The following GPR160 variants were observed in gnomAD, a reference collection of about 807,000 sequenced individuals.
The protein encoded by GPR160 is probable G protein-coupled receptor 160.
GPR160 carries 2 observed loss-of-function variants against 2.6 expected under a neutral mutation model. The observed-to-expected ratio is 0.77, with a 90% CI of 0.32 to 2.44. The LOEUF (loss-of-function observed/expected upper bound fraction) is 2.44. GPR160 is among the 30% of genes most tolerant of loss of function. The pLI, the probability that GPR160 is intolerant of heterozygous loss-of-function variation, is 0.11. For missense variants in GPR160, 351 were observed against 383.6 expected, an observed-to-expected ratio of 0.91 and a Z score of 0.71; for synonymous variants, 130 against 132.2, an observed-to-expected ratio of 0.98 and a Z score of 0.12.
At chr3:170,064,510 T>TTTTC (rs560111739) in intron 2 of GPR160, among the ~76,000 whole-genome samples, 3 of 119,602 alleles carry the variant, frequency 2.5e-5, no homozygotes. Flanking sequence ...TTTTCTTTTC[T>TTTTC]TTTCTTTTTT....
intron 2 of GPR160, among the ~76,000 whole-genome samples, chr3:170,051,987 G>C (rs1467723646): frequency 6.6e-6 from 1 of 152,088 alleles, no homozygotes; most frequent in East Asian, 1.9e-4. Context: ...GTGCAGTGGC[G>C]CATTCTCGGC....
chr3:170,076,474 C>T (rs1222205240), intron 2 of GPR160, among the ~76,000 whole-genome samples: 1 of 152,108 alleles, frequency 6.6e-6, no homozygotes, highest in Non-Finnish European at 1.5e-5. Flanking sequence ...ATAGTCAAGT[C>T]ACAATCCTAT....
chr3:170,075,557 AC>A (rs1712811048), intron 2 of GPR160, among the ~76,000 whole-genome samples: 1 of 152,156 alleles, frequency 6.6e-6, no homozygotes, highest in Non-Finnish European at 1.5e-5. Flanking sequence ...TCACTCAAGG[AC>A]CCAGGTTGAC....
chr3:170,059,935 A>G (rs376491480), intron 2 of GPR160, among the ~76,000 whole-genome samples: 1 of 152,248 alleles, frequency 6.6e-6, no homozygotes, highest in African/African-American at 2.4e-5. Flanking sequence ...TCTTTCAAGT[A>G]TGTATTTCAC....
chr3:170,043,967 CT>C (rs11348576), intron 2 of GPR160, among the ~76,000 whole-genome samples: 22,640 of 144,706 alleles, frequency 0.16, 1,825 homozygotes, highest in African/African-American at 0.22. Context: ...TGAGATTGTA[CT>C]TTTTTTTTTT....
intron 2 of GPR160, among the ~76,000 whole-genome samples, chr3:170,039,831 A>T (rs1716372295): frequency 6.6e-6 from 1 of 152,260 alleles, no homozygotes; most frequent in Non-Finnish European, 1.5e-5. Flanking sequence ...TAAGGTTTTT[A>T]AAATCCCTGT....
intron 2 of GPR160, among the ~76,000 whole-genome samples, chr3:170,064,514 C>CTTTTTTTTTTTTTTTTTTT (rs1175382810): frequency 4.9e-5 from 4 of 81,052 alleles, no homozygotes; most frequent in African/African-American, 8.2e-5. Flanking sequence ...CTTTTCTTTT[C>CTTTTTTTTTTTTTTTTTTT]TTTTTTTTTT....
Position 170,084,684 on chromosome 3 carries a change from A to T in GPR160, c.712A>T (p.Lys238Ter). ...SHSSYTVRSKKIFLSKLIVCF... is the reference protein window; with the variant it reads ...SHSSYTVRSK ...CTCCAGTTATACTGTGAGATCTAAAAAAATATTCTTATCCAAGCTCATTGT... is the reference window on the plus strand; with the variant it reads ...CTCCAGTTATACTGTGAGATCTAAATAAATATTCTTATCCAAGCTCATTGT... The change falls in exon 4 of 4, where the codon AAA becomes TAA. Residue 238 changes from lysine (K) to a stop codon, truncating the protein, a stop_gained. Transcript: ENST00000355897. LOFTEE classifies it high-confidence loss of function. 1 of 1,612,354 alleles carries T rather than the reference A, an allele frequency of 6.2e-7. No homozygotes were observed. The highest frequency in any genetic ancestry group is 1.1e-5 in the South Asian group (1 of 91,028).
In GPR160 at chr3:170,084,815, C is replaced by G. The variant is rs377308505; in HGVS notation, c.843C>G (p.Tyr281Ter). Residue 281 changes from tyrosine to a stop codon, truncating the protein, a stop_gained, in exon 4 of 4, where the codon TAC becomes TAG. Coordinates refer to ENST00000355897, the MANE Select transcript of GPR160 (RefSeq NM_014373.3). LOFTEE classifies it high-confidence loss of function. Reference protein sequence around the residue: ...AYIEMNIPWLYFVNSFLIATV... With the variant: ...AYIEMNIPWL ...TTGAGATGAATATTCCCTGGTTATA[C>G]TTTGTCAATAGTTTTCTCATTGCTA... 1.7e-5 allele frequency: 27 copies of G among 1,608,286 alleles called. No individual in the cohort carries two copies. Among genetic ancestry groups the G allele is most frequent in the Non-Finnish European group, 2.0e-5 (24 of 1,175,534 alleles).
chr3:170,040,338 G>A (rs1716393342), intron 2 of GPR160, among the ~76,000 whole-genome samples: 1 of 152,196 alleles, frequency 6.6e-6, no homozygotes, highest in South Asian at 2.1e-4. Flanking sequence ...CACTGCAGCC[G>A]AGTCTAGATG....
intron 2 of GPR160, among the ~76,000 whole-genome samples, chr3:170,068,477 C>T (rs1157499333): frequency 6.6e-6 from 1 of 152,138 alleles, no homozygotes; most frequent in African/African-American, 2.4e-5. Flanking sequence ...TTCTTGAGTT[C>T]TTCCCCTCCA....
At chr3:170,063,180 C>CTT (rs201450289) in intron 2 of GPR160, 92 of 137,938 alleles carry the variant, frequency 6.7e-4, no homozygotes, top group African/African-American at 2.2e-3. Flanking sequence ...GTTTTTGTGC[C>CTT]TTTTTTTTTT....
intron 3 of GPR160, among the ~76,000 whole-genome samples, chr3:170,080,217 T>G (rs1713055082): frequency 1.3e-5 from 2 of 151,908 alleles, no homozygotes; most frequent in Non-Finnish European, 2.9e-5. Flanking sequence ...GTTCAGGGAG[T>G]TGTTTTAAAA....
intron 2 of GPR160, among the ~76,000 whole-genome samples, chr3:170,078,892 C>T (rs988420117): frequency 2.0e-5 from 3 of 151,828 alleles, no homozygotes; most frequent in Non-Finnish European, 4.4e-5. Flanking sequence ...TCTGGAAGGC[C>T]GGAAGGCTCT....
chr3:170,082,299 A>G (rs1052305632), intron 3 of GPR160, among the ~76,000 whole-genome samples: 8 of 152,210 alleles, frequency 5.3e-5, no homozygotes, highest in African/African-American at 1.9e-4. Flanking sequence ...CCAAATTCAC[A>G]AGGCTTAAAA....
intron 2 of GPR160, among the ~76,000 whole-genome samples, chr3:170,068,202 T>G (rs991694675): frequency 1.3e-5 from 2 of 152,210 alleles, no homozygotes; most frequent in African/African-American, 4.8e-5. Context: ...TGGAGTGCAG[T>G]GGTGTGATCT....
At chr3:170,047,523 T>C (rs1389564404) in intron 2 of GPR160, among the ~76,000 whole-genome samples, 1 of 152,210 alleles carries the variant, frequency 6.6e-6, no homozygotes, top group Non-Finnish European at 1.5e-5. Context: ...ATTCATTTTA[T>C]GTTAGAATTT....
intron 2 of GPR160, among the ~76,000 whole-genome samples, chr3:170,066,342 T>A (rs930072872): frequency 6.6e-6 from 1 of 151,874 alleles, no homozygotes; most frequent in African/African-American, 2.4e-5. Context: ...GGTTTCACCA[T>A]GTTAGCCAGG....
At chr3:170,065,008 T>C (rs1712242040) in intron 2 of GPR160, among the ~76,000 whole-genome samples, 1 of 152,042 alleles carries the variant, frequency 6.6e-6, no homozygotes, top group African/African-American at 2.4e-5. Context: ...GCCTGGTGAG[T>C]GGTCAGCCGA....
Sources: allele counts gnomAD v4.1 joint callset (sites outside exome capture counted in the v4.1 genomes callset), GRCh38; gene constraint gnomAD v4.1.1; transcripts MANE v1.5; gene names NCBI Gene and HGNC (gene_info 2026-07-23, HGNC 2026-07-21).